The following SH3RF3 variants were observed in gnomAD, a reference collection of about 807,000 sequenced individuals.
The protein encoded by SH3RF3 is SH3 domain containing ring finger 3.
In SH3RF3, 29 loss-of-function variants were observed where a neutral mutation model predicts 66.3. The ratio of observed to expected loss-of-function variants is 0.44; its 90% confidence interval spans 0.33 to 0.60. The LOEUF (loss-of-function observed/expected upper bound fraction) is 0.60, where lower values mean the gene tolerates loss of function less well. Ranked by LOEUF, SH3RF3 falls within the 20% of genes least tolerant of loss-of-function variation. The pLI is 0.04. For synonymous variants in SH3RF3, 583 were observed against 532.0 expected (o/e 1.10, Z -1.32); for missense variants, 1,194 against 1,190.9 (o/e 1.00, Z -0.04).
chr2:109,298,298 C>T (rs1231874747), intron 1 of SH3RF3, among the ~76,000 whole-genome samples: 1 of 135,360 alleles, frequency 7.4e-6, no homozygotes, highest in Non-Finnish European at 1.7e-5. Context: ...GCTGGCTAGA[C>T]AGGCGGGAAG....
chr2:109,362,919 T>C (rs1559043665), intron 2 of SH3RF3, among the ~76,000 whole-genome samples: 1 of 152,206 alleles, frequency 6.6e-6, no homozygotes, highest in Non-Finnish European at 1.5e-5. Context: ...TATCTCTTTC[T>C]TCATTGATTT....
intron 9 of SH3RF3, 60 bp from the exon 10 acceptor site, chr2:109,501,443 G>A: frequency 1.4e-6 from 1 of 707,334 alleles, no homozygotes; most frequent in Admixed American, 1.9e-5. Flanking sequence ...AGAAGAGAAA[G>A]CACGACCCAG....
chr2:109,490,734 G>A lies in SH3RF3; in HGVS notation c.2278G>A (p.Val760Met). ...CGTGGACGCCCTGCTCCAAGGTGCA[G>A]TGGGCCCCGAAGTGTCCTCACTGTC... ...VAVDALLQGA[V>M]GPEVSSLSIH... The change falls in exon 9 of 10, where the codon GTG (valine) becomes ATG (methionine). Residue 760 changes from valine to methionine, a missense_variant. Transcript: ENST00000309415. 6.5e-7 allele frequency: 1 copy of A among 1,536,220 alleles called. No homozygotes were observed. The highest frequency in any genetic ancestry group is 8.7e-7 in the Non-Finnish European group (1 of 1,146,210).
At chr2:109,135,383 C>G (rs1166408507) in intron 1 of SH3RF3, among the ~76,000 whole-genome samples, 1 of 152,204 alleles carries the variant, frequency 6.6e-6, no homozygotes, top group African/African-American at 2.4e-5. Context: ...TTCCACACTT[C>G]CTCACCATCT....
chr2:109,498,922 C>T (rs1295252326), intron 9 of SH3RF3, among the ~76,000 whole-genome samples: 1 of 152,184 alleles, frequency 6.6e-6, no homozygotes, highest in Non-Finnish European at 1.5e-5. Context: ...GTGGGTGCAC[C>T]TGGGGTCGCT....
intron 1 of SH3RF3, among the ~76,000 whole-genome samples, chr2:109,187,925 C>T (rs1240587620): frequency 6.6e-6 from 1 of 152,306 alleles, no homozygotes; most frequent in East Asian, 1.9e-4. Context: ...CCTGTCAGGA[C>T]TCTCAGGAAC....
intron 2 of SH3RF3, 31 bp downstream of exon 2, chr2:109,347,980 G>T (rs374364915): frequency 1.3e-4 from 201 of 1,566,344 alleles, no homozygotes; most frequent in Non-Finnish European, 1.7e-4. Flanking sequence ...GGCCCCGCCA[G>T]CCCATGCAGC....
chr2:109,276,455 G>A (rs531735591), intron 1 of SH3RF3, among the ~76,000 whole-genome samples: 2 of 152,304 alleles, frequency 1.3e-5, no homozygotes, highest in East Asian at 1.9e-4. Flanking sequence ...GGGACCCAGG[G>A]AGGGCAAGAA....
chr2:109,297,558 T>A (rs555682750), intron 1 of SH3RF3, among the ~76,000 whole-genome samples: 1 of 136,114 alleles, frequency 7.3e-6, no homozygotes. Flanking sequence ...CCCAAGTCAA[T>A]GCCTCCCACC....
At chr2:109,228,545 A>ATGGACCC (rs374026776) in intron 1 of SH3RF3, among the ~76,000 whole-genome samples, 8 of 152,146 alleles carry the variant, frequency 5.3e-5, no homozygotes, top group African/African-American at 1.7e-4. Flanking sequence ...TGGAGCTAGT[A>ATGGACCC]TGGACCCTGC....
intron 1 of SH3RF3, among the ~76,000 whole-genome samples, chr2:109,282,567 T>C (rs534735140): frequency 6.6e-6 from 1 of 152,202 alleles, no homozygotes; most frequent in Admixed American, 6.5e-5. Flanking sequence ...CTGCAGGGCC[T>C]GGGAACACTG....
intron 8 of SH3RF3, among the ~76,000 whole-genome samples, chr2:109,473,081 CA>C (rs1306815988): frequency 6.6e-6 from 1 of 152,208 alleles, no homozygotes; most frequent in African/African-American, 2.4e-5. Context: ...ATGCGAGTCC[CA>C]AGAATCTAAA....
At chr2:109,443,600 G>T (rs1412995855) in intron 7 of SH3RF3, among the ~76,000 whole-genome samples, 1 of 152,140 alleles carries the variant, frequency 6.6e-6, no homozygotes, top group Non-Finnish European at 1.5e-5. Flanking sequence ...AAGAAAGCTG[G>T]AGTGGTTATC....
intron 1 of SH3RF3, among the ~76,000 whole-genome samples, chr2:109,171,995 C>A (rs1329423120): frequency 6.6e-6 from 1 of 152,218 alleles, no homozygotes; most frequent in Non-Finnish European, 1.5e-5. Flanking sequence ...CTGAGTCGCC[C>A]GTTTCCCAAT....
chr2:109,377,226 A>G (rs1458465934), intron 3 of SH3RF3, among the ~76,000 whole-genome samples: 1 of 152,140 alleles, frequency 6.6e-6, no homozygotes, highest in Non-Finnish European at 1.5e-5. Flanking sequence ...GGCTAATAAG[A>G]AGTGTGAAGC....
chr2:109,394,910 G>A (rs911901038), intron 3 of SH3RF3, among the ~76,000 whole-genome samples: 5 of 152,244 alleles, frequency 3.3e-5, no homozygotes, highest in African/African-American at 1.2e-4. Flanking sequence ...CCTAATGGGT[G>A]CACGGGAGCC....
chr2:109,352,528 T>C (rs1426957504), intron 2 of SH3RF3, among the ~76,000 whole-genome samples: 23 of 152,220 alleles, frequency 1.5e-4, no homozygotes, highest in Admixed American at 1.5e-3. Context: ...GGGATGACTT[T>C]GGGGGCCGAG....
chr2:109,355,542 G>A (rs1574593845), intron 2 of SH3RF3, among the ~76,000 whole-genome samples: 2 of 152,214 alleles, frequency 1.3e-5, no homozygotes, highest in African/African-American at 4.8e-5. Flanking sequence ...ATAGTCTCTG[G>A]CTCTTTCTAG....
At chr2:109,149,743 A>G (rs1677188789) in intron 1 of SH3RF3, among the ~76,000 whole-genome samples, 1 of 152,250 alleles carries the variant, frequency 6.6e-6, no homozygotes, top group Non-Finnish European at 1.5e-5. Context: ...TGGGGGCTCT[A>G]TCAAGACGTT....
Sources: gnomAD v4.1 joint callset for allele counts (sites outside exome capture counted in the v4.1 genomes callset) on GRCh38, gnomAD v4.1.1 for gene constraint, MANE v1.5 for transcripts, NCBI Gene and HGNC (gene_info 2026-07-23, HGNC 2026-07-21) for gene names.